The following SLIT3 variants were observed in gnomAD, a reference collection of about 807,000 sequenced individuals.
The protein encoded by SLIT3 is slit homolog 3 protein.
Under a neutral mutation model 184.0 loss-of-function variants are expected in SLIT3, and 68 were observed. That is an observed-to-expected ratio of 0.37 (90% confidence interval 0.30 to 0.45). The LOEUF (loss-of-function observed/expected upper bound fraction) is 0.45, where lower values mean the gene tolerates loss of function less well. SLIT3 is among the 20% of genes least tolerant of loss of function. SLIT3 has a pLI of 1.00. For synonymous variants in SLIT3, 831 were observed against 828.6 expected, an observed-to-expected ratio of 1.00 and a Z score of -0.05; for missense variants, 1,707 against 2,026.0, an observed-to-expected ratio of 0.84 and a Z score of 3.02.
chr5:168,745,222 C>T (rs1763762917), intron 20 of SLIT3, among the ~76,000 whole-genome samples: 1 of 152,204 alleles, frequency 6.6e-6, no homozygotes, highest in Non-Finnish European at 1.5e-5. Flanking sequence ...GACTGAATTG[C>T]TGCAATCTCA....
At chr5:169,031,829 TC>T (rs1757036041) in intron 4 of SLIT3, among the ~76,000 whole-genome samples, 2 of 152,200 alleles carry the variant, frequency 1.3e-5, no homozygotes. Flanking sequence ...TTGGAGTTGG[TC>T]AAAAGCATAA....
intron 20 of SLIT3, among the ~76,000 whole-genome samples, chr5:168,746,348 GGT>G (rs1405006694): frequency 5.0e-4 from 25 of 49,522 alleles, no homozygotes; most frequent in African/African-American, 1.8e-3. Flanking sequence ...TGGTGGTGTG[GGT>G]GTGTGGTGGT....
intron 9 of SLIT3, 141 bp from the exon 10 acceptor site, chr5:168,795,719 A>C (rs1490389235): frequency 2.6e-5 from 18 of 686,942 alleles, no homozygotes; most frequent in East Asian, 2.1e-4. Context: ...CAGACCAGAC[A>C]AAACACTGCA....
chr5:169,079,520 GGGAGGAGGAAGGA>G lies in SLIT3; in HGVS notation c.413+113946_413+113958del, dbSNP rs138296812. Reference sequence around the variant, plus strand: ...GGAGGGAGGAGGAGGAAGGAGGAGAGGGAGGAGGAAGGAGGAGGAGGAAGAAGGAGGAAGAAGG... The same window carrying G: ...GGAGGGAGGAGGAGGAAGGAGGAGAGGGAGGAGGAAGAAGGAGGAAGAAGG... On this transcript the variant is annotated intron_variant, in intron 4 of 35. Transcript: ENST00000519560. 6.4e-3 allele frequency among the ~76,000 whole-genome samples: 756 copies of G among 118,778 alleles called. 43 individuals carry two copies. In the East Asian group the frequency reaches 0.069, roughly 11 times the overall value. The allele number at this position is 118,778 out of a possible 152,430, so 77.9% of individuals were successfully genotyped here.
At chr5:168,971,966 A>G (rs1437877274) in intron 4 of SLIT3, among the ~76,000 whole-genome samples, 1 of 152,240 alleles carries the variant, frequency 6.6e-6, no homozygotes, top group African/African-American at 2.4e-5. Flanking sequence ...ATAAGACTAC[A>G]TGTAGATAAA....
intron 4 of SLIT3, among the ~76,000 whole-genome samples, chr5:169,185,477 T>C (rs767707645): frequency 1.3e-5 from 2 of 152,192 alleles, no homozygotes; most frequent in Non-Finnish European, 2.9e-5. Context: ...GATGGATTGG[T>C]TTTTCTGTTG....
chr5:168,714,560 G>A (rs1038890675), intron 23 of SLIT3, among the ~76,000 whole-genome samples: 4 of 152,118 alleles, frequency 2.6e-5, no homozygotes, highest in Non-Finnish European at 5.9e-5. Context: ...TCCAGCCTGG[G>A]CGACAAGAGT....
chr5:168,824,564 G>A (rs954678619), intron 6 of SLIT3, among the ~76,000 whole-genome samples: 1 of 152,190 alleles, frequency 6.6e-6, no homozygotes, highest in South Asian at 2.1e-4. Context: ...TTTTGCATCA[G>A]TTACTTCAGT....
At chr5:169,040,130 C>G (rs531860351) in intron 4 of SLIT3, among the ~76,000 whole-genome samples, 1 of 152,164 alleles carries the variant, frequency 6.6e-6, no homozygotes, top group Admixed American at 6.5e-5. Flanking sequence ...TAATTCCTAT[C>G]GACCACATCC....
chr5:169,165,744 T>C (rs533867993), intron 4 of SLIT3, among the ~76,000 whole-genome samples: 1 of 152,308 alleles, frequency 6.6e-6, no homozygotes, highest in Admixed American at 6.5e-5. Flanking sequence ...TTGCTTTGTG[T>C]AATTTTTCTC....
intron 16 of SLIT3, among the ~76,000 whole-genome samples, chr5:168,759,502 T>G (rs915248765): frequency 6.6e-6 from 1 of 152,180 alleles, no homozygotes; most frequent in South Asian, 2.1e-4. Flanking sequence ...TTCGGCAGTA[T>G]GTCTGGGGGG....
intron 6 of SLIT3, among the ~76,000 whole-genome samples, chr5:168,825,579 C>T (rs1036911026): frequency 6.6e-6 from 1 of 152,222 alleles, no homozygotes; most frequent in Non-Finnish European, 1.5e-5. Flanking sequence ...TATGACTTCA[C>T]TAACTCGCCA....
intron 14 of SLIT3, chr5:168,768,242 C>A (rs753515505): frequency 3.9e-6 from 2 of 512,022 alleles, no homozygotes; most frequent in East Asian, 5.6e-5. Flanking sequence ...AGGAAAGCCC[C>A]GCAGCGACTG....
In SLIT3 at chr5:169,250,276, T is replaced by G. The variant is rs528960715; in HGVS notation, c.269+1112A>C. Among the ~76,000 whole-genome samples the G allele has an allele frequency of 1.6e-4, 24 of 152,304 alleles. No individual in the cohort carries two copies. In the South Asian group the frequency reaches 4.6e-3, roughly 29 times the overall value. ...GTATCATATCCATCATCATTATTAC[T>G]AACAACTCAATCAGAAATGGCAAAC... On this transcript the variant is annotated intron_variant, in intron 2 of 35. Transcript: ENST00000519560.
intron 1 of SLIT3, among the ~76,000 whole-genome samples, chr5:169,294,259 G>GA (rs11324544): frequency 0.018 from 2,355 of 129,928 alleles, 36 homozygotes; most frequent in East Asian, 0.071. Context: ...AATGAGCATT[G>GA]AAAAAAAAAA....
intron 4 of SLIT3, among the ~76,000 whole-genome samples, chr5:168,925,014 A>C (rs1761769349): frequency 6.6e-6 from 1 of 152,154 alleles, no homozygotes; most frequent in Admixed American, 6.5e-5. Flanking sequence ...ATATTTATCG[A>C]GCACCTTCTA....
At chr5:169,122,413 C>A (rs1367098250) in intron 4 of SLIT3, among the ~76,000 whole-genome samples, 1 of 152,172 alleles carries the variant, frequency 6.6e-6, no homozygotes, top group Non-Finnish European at 1.5e-5. Context: ...TGCATCAAGG[C>A]CCTGAGCTCT....
intron 4 of SLIT3, among the ~76,000 whole-genome samples, chr5:168,955,631 G>A (rs1225948583): frequency 1.3e-5 from 2 of 152,234 alleles, no homozygotes; most frequent in Admixed American, 1.3e-4. Context: ...AAGGGGGCAG[G>A]CTTGGGAGAC....
At chr5:169,246,583 A>G (rs1765600602) in intron 2 of SLIT3, among the ~76,000 whole-genome samples, 1 of 152,202 alleles carries the variant, frequency 6.6e-6, no homozygotes, top group African/African-American at 2.4e-5. Context: ...AATGGAATAA[A>G]TAAGTAAATC....
Sources: allele counts gnomAD v4.1 joint callset (sites outside exome capture counted in the v4.1 genomes callset), GRCh38; gene constraint gnomAD v4.1.1; transcripts MANE v1.5; gene names NCBI Gene and HGNC (gene_info 2026-07-23, HGNC 2026-07-21).